OLFM3: variants seen among roughly 807,000 people sequenced by gnomAD.
The protein encoded by OLFM3 is noelin-3.
OLFM3 carries 20 observed loss-of-function variants against 48.6 expected under a neutral mutation model. That is an observed-to-expected ratio of 0.41 (90% confidence interval 0.29 to 0.60). OLFM3 has a LOEUF of 0.60. OLFM3 is among the 20% of genes least tolerant of loss of function. OLFM3 has a pLI of 0.28. For synonymous variants in OLFM3, 222 were observed against 198.1 expected, an observed-to-expected ratio of 1.12 and a Z score of -1.01; for missense variants, 437 against 544.3, an observed-to-expected ratio of 0.80 and a Z score of 1.96.
At chr1:101,991,731 AT>A (rs1234646613) in intron 1 of OLFM3, among the ~76,000 whole-genome samples, 1 of 150,262 alleles carries the variant, frequency 6.7e-6, no homozygotes, top group Non-Finnish European at 1.5e-5. Context: ...AGATTAATGA[AT>A]GATCTCTTCA....
intron 1 of OLFM3, among the ~76,000 whole-genome samples, chr1:101,914,164 C>T (rs1008809): frequency 0.43 from 65,767 of 151,882 alleles, 14,329 homozygotes; most frequent in East Asian, 0.59. Context: ...TTGTAGTGAA[C>T]TAATATCTAA....
intron 1 of OLFM3, among the ~76,000 whole-genome samples, chr1:101,882,220 A>G (rs1657556485): frequency 1.3e-5 from 2 of 150,846 alleles, no homozygotes; most frequent in Non-Finnish European, 3.0e-5. Flanking sequence ...TATTGACTAT[A>G]TAACAATCAA....
chr1:101,886,556 TTGG>T (rs1657769849), intron 1 of OLFM3, among the ~76,000 whole-genome samples: 1 of 152,104 alleles, frequency 6.6e-6, no homozygotes, highest in African/African-American at 2.4e-5. Flanking sequence ...GCATGTTAGC[TTGG>T]GGGAACCAGC....
rs1653548263 is a variant in OLFM3, at chr1:101,802,727, A to T, written c.*1511T>A. 6.6e-6 allele frequency: 1 copy of T among 151,678 alleles called. No individual in the cohort carries two copies. The highest frequency in any genetic ancestry group is 1.5e-5 in the Non-Finnish European group (1 of 67,724). 9.4% of individuals were successfully genotyped at this position (151,678 alleles called of 1,614,324 possible). On this transcript the variant is annotated 3_prime_UTR_variant, in exon 6 of 6. Transcript: ENST00000370103. ...TCATTACATCCTTATCTTTCAAAGA[A>T]AATCATGGTACTATGTATGTGTGAA...
At chr1:101,916,089 A>T (rs984717122) in intron 1 of OLFM3, among the ~76,000 whole-genome samples, 1 of 152,188 alleles carries the variant, frequency 6.6e-6, no homozygotes, top group African/African-American at 2.4e-5. Context: ...GAATCTTTGT[A>T]ATTTAAAAAG....
intron 1 of OLFM3, among the ~76,000 whole-genome samples, chr1:101,952,494 T>G (rs1260246149): frequency 6.6e-6 from 1 of 152,076 alleles, no homozygotes; most frequent in East Asian, 1.9e-4. Flanking sequence ...TAAATAGATT[T>G]TTTGCATCTC....
chr1:101,892,153 A>G (rs1340876968), intron 1 of OLFM3, among the ~76,000 whole-genome samples: 1 of 152,086 alleles, frequency 6.6e-6, no homozygotes, highest in Non-Finnish European at 1.5e-5. Context: ...AATTTTGTTA[A>G]TAAATGATTC....
intron 1 of OLFM3, among the ~76,000 whole-genome samples, chr1:101,922,529 A>G (rs552315812): frequency 6.6e-6 from 1 of 152,236 alleles, no homozygotes; most frequent in Admixed American, 6.5e-5. Flanking sequence ...GACAGGTCAG[A>G]TGTTTCTTTC....
intron 1 of OLFM3, among the ~76,000 whole-genome samples, chr1:101,902,988 A>AT (rs762125597): frequency 6.6e-6 from 1 of 152,002 alleles, no homozygotes; most frequent in Non-Finnish European, 1.5e-5. Context: ...GATAAAAGGG[A>AT]TTTTTCCAGC....
At chr1:101,838,973 T>C (rs1475401927) in intron 1 of OLFM3, among the ~76,000 whole-genome samples, 1 of 152,212 alleles carries the variant, frequency 6.6e-6, no homozygotes, top group Non-Finnish European at 1.5e-5. Flanking sequence ...CTGAAAGCTT[T>C]AATGATAACT....
In OLFM3 at chr1:101,804,439, A is replaced by C. The variant is rs374462263; in HGVS notation, c.1176T>G (p.Thr392=). Residue 392 remains threonine (T), a synonymous_variant, in exon 6 of 6, where the codon ACT becomes ACG. Transcript: ENST00000370103. The surrounding 1 kb of genome is among the most constrained non-coding windows in gnomAD (Gnocchi z 4.5). ...AATAGGAATAATACACCTTGGCTCCAGTTAAGTGGGAGTTGGTGACATACA... is the reference window on the plus strand; with the variant it reads ...AATAGGAATAATACACCTTGGCTCCCGTTAAGTGGGAGTTGGTGACATACA... ...GTLYVTNSHL[T]GAKVYYSYST... The C allele has an allele frequency of 6.2e-7, 1 of 1,612,556 alleles. No homozygotes were observed.
chr1:101,953,627 C>A (rs147744768), intron 1 of OLFM3, among the ~76,000 whole-genome samples: 5 of 152,270 alleles, frequency 3.3e-5, no homozygotes, highest in Non-Finnish European at 7.4e-5. Flanking sequence ...TACCATTAAT[C>A]CTGTTTGTTC....
chr1:101,840,322 G>T (rs899357270), intron 1 of OLFM3, among the ~76,000 whole-genome samples: 15 of 152,060 alleles, frequency 9.9e-5, no homozygotes, highest in African/African-American at 3.1e-4. Flanking sequence ...GTGGTATTCT[G>T]CCCATTATAC....
intron 1 of OLFM3, among the ~76,000 whole-genome samples, chr1:101,861,503 G>A (rs1360328563): frequency 6.6e-6 from 1 of 152,212 alleles, no homozygotes; most frequent in Non-Finnish European, 1.5e-5. Flanking sequence ...AAACACCATA[G>A]AAGGTTCAGG....
intron 1 of OLFM3, among the ~76,000 whole-genome samples, chr1:101,855,718 T>A (rs938482110): frequency 1.3e-5 from 2 of 152,120 alleles, no homozygotes; most frequent in African/African-American, 4.8e-5. Flanking sequence ...CACTGCAATC[T>A]ATTTTCAGAC....
chr1:101,937,106 T>C (rs2101054774), intron 1 of OLFM3, among the ~76,000 whole-genome samples: 1 of 152,208 alleles, frequency 6.6e-6, no homozygotes, highest in Non-Finnish European at 1.5e-5. Flanking sequence ...AAACAAAAAC[T>C]GACAAATGGG....
Position 101,825,231 on chromosome 1 carries a change from T to G in OLFM3, c.387A>C (p.Lys129Asn). ...MTKHFQELKE[K>N]MDELLPLIPV... ...GGATCAAAGGCAGGAGCTCGTCCATTTTCTCTTTCAACTCCTGTGAAAAGC... is the reference window on the plus strand; with the variant it reads ...GGATCAAAGGCAGGAGCTCGTCCATGTTCTCTTTCAACTCCTGTGAAAAGC... Residue 129 changes from lysine to asparagine, a missense_variant, in exon 4 of 6, where the codon AAA becomes AAC. Physicochemically the swap from Lys to Asn is moderately conservative, Grantham distance 94 (BLOSUM62 0). This residue lies in a region of OLFM3 where 314 missense variants were observed against 365.5 expected (regional missense o/e 0.86). Coordinates refer to ENST00000370103, the MANE Select transcript of OLFM3 (RefSeq NM_058170.4). 1 of 1,613,814 alleles carries G rather than the reference T, an allele frequency of 6.2e-7. No individual in the cohort carries two copies. Among genetic ancestry groups the G allele is most frequent in the Non-Finnish European group, 8.5e-7 (1 of 1,179,844 alleles).
intron 4 of OLFM3, among the ~76,000 whole-genome samples, chr1:101,813,365 C>T (rs1421832995): frequency 6.6e-6 from 1 of 152,120 alleles, no homozygotes; most frequent in African/African-American, 2.4e-5. Flanking sequence ...TACTCTTCTT[C>T]CACAAAACAT....
At chr1:101,845,461 A>G (rs1655949060) in intron 1 of OLFM3, among the ~76,000 whole-genome samples, 1 of 152,222 alleles carries the variant, frequency 6.6e-6, no homozygotes, top group South Asian at 2.1e-4. Context: ...AGTTTGAAAT[A>G]TAACTCATTC....
Sources: allele counts gnomAD v4.1 joint callset (sites outside exome capture counted in the v4.1 genomes callset), GRCh38; gene constraint gnomAD v4.1.1; regional missense constraint gnomAD v4.1.1; non-coding constraint Gnocchi (gnomAD v3.1); transcripts MANE v1.5; gene names NCBI Gene and HGNC (gene_info 2026-07-23, HGNC 2026-07-21).